Variants in KCNIP3 observed in about 807,000 individuals in gnomAD.
The protein encoded by KCNIP3 is potassium voltage-gated channel interacting protein 3, also known as calsenilin.
Under a neutral mutation model 35.0 loss-of-function variants are expected in KCNIP3, and 28 were observed. That is an observed-to-expected ratio of 0.80 (90% CI 0.59 to 1.10). The LOEUF is 1.10. Ranked by LOEUF, KCNIP3 falls within the 50% of genes least tolerant of loss-of-function variation. KCNIP3 has a pLI of 0.00. For synonymous variants in KCNIP3, 134 were observed against 133.8 expected, an observed-to-expected ratio of 1.00 and a Z score of -0.01; for missense variants, 295 against 338.4, an observed-to-expected ratio of 0.87 and a Z score of 1.01.
intron 2 of KCNIP3, among the ~76,000 whole-genome samples, chr2:95,324,523 G>GATAAATAAATAA (rs140027632): frequency 0.34 from 48,955 of 145,548 alleles, 8,634 homozygotes; most frequent in Middle Eastern, 0.39. Context: ...AAAATAAATA[G>GATAAATAAATAA]ATAAATAAAT....
At position 95,367,612 on chromosome 2, in the gene KCNIP3, T is replaced by C. The variant is rs376211939; in HGVS notation, c.182-6684T>C. Among the ~76,000 whole-genome samples the C allele has an allele frequency of 3.3e-5, 5 of 152,342 alleles. No homozygotes were observed. The East Asian group carries it at 9.6e-4, about 29-fold the overall frequency. Reference sequence around the variant, plus strand: ...ATGTTTTGCAAGATATATACCTAAGTATTTCATTTGTGAGATGAGCAATTG... The same window carrying C: ...ATGTTTTGCAAGATATATACCTAAGCATTTCATTTGTGAGATGAGCAATTG... On this transcript the variant is annotated intron_variant, in intron 2 of 8. Transcript: ENST00000295225.
chr2:95,332,734 C>T (rs1353853635), intron 2 of KCNIP3, among the ~76,000 whole-genome samples: 1 of 152,200 alleles, frequency 6.6e-6, no homozygotes, highest in Non-Finnish European at 1.5e-5. Flanking sequence ...TTCTCAGAAC[C>T]TTTACTATAC....
At chr2:95,371,693 C>G (rs1248276267) in intron 2 of KCNIP3, among the ~76,000 whole-genome samples, 1 of 151,934 alleles carries the variant, frequency 6.6e-6, no homozygotes, top group Non-Finnish European at 1.5e-5. Context: ...TTTTAAAGCT[C>G]TGTTACTAGG....
chr2:95,363,537 GT>G (rs1408527610), intron 2 of KCNIP3, among the ~76,000 whole-genome samples: 1 of 151,592 alleles, frequency 6.6e-6, no homozygotes, highest in African/African-American at 2.4e-5. Context: ...CTCCTCCCTT[GT>G]TATTTTTCTT....
At chr2:95,340,240 G>A (rs755792922) in intron 2 of KCNIP3, among the ~76,000 whole-genome samples, 4 of 152,208 alleles carry the variant, frequency 2.6e-5, no homozygotes, top group Non-Finnish European at 4.4e-5. Context: ...AGGAGGTGCG[G>A]CAGGAGAATC....
intron 2 of KCNIP3, chr2:95,368,717 T>C (rs1679975664): frequency 4.0e-6 from 1 of 250,112 alleles, no homozygotes; most frequent in Non-Finnish European, 8.8e-6. Flanking sequence ...GAATATGCTT[T>C]GAGTCCTGCT....
intron 2 of KCNIP3, among the ~76,000 whole-genome samples, chr2:95,317,322 G>A (rs1335379308): frequency 6.6e-6 from 1 of 152,204 alleles, no homozygotes; most frequent in Non-Finnish European, 1.5e-5. Flanking sequence ...GAGCTCAGGA[G>A]TGACGCCCAC....
intron 2 of KCNIP3, among the ~76,000 whole-genome samples, chr2:95,359,433 C>T (rs979831727): frequency 5.9e-5 from 9 of 152,308 alleles, no homozygotes; most frequent in African/African-American, 1.4e-4. Flanking sequence ...TCTTGAGACT[C>T]GGGAATAATG....
At chr2:95,330,157 C>A (rs1180865542) in intron 2 of KCNIP3, among the ~76,000 whole-genome samples, 1 of 152,200 alleles carries the variant, frequency 6.6e-6, no homozygotes, top group Non-Finnish European at 1.5e-5. Flanking sequence ...GGTCTGGCCG[C>A]GGCTCCCCAG....
chr2:95,378,226 G>A lies in KCNIP3; in HGVS notation c.447+3018G>A, dbSNP rs1318815643. On this transcript the variant is annotated intron_variant, in intron 5 of 8. Transcript: ENST00000295225. This position sits in a 1 kb window ranked among gnomAD's most constrained non-coding sequence, Gnocchi z 4.0. ...CAGCCTCGACCTCCTGGCCTCAAGT[G>A]ATCCTCCTACCCCAGCCTCCCGAGT... Among the ~76,000 whole-genome samples, 1 of 152,052 alleles carries A rather than the reference G, an allele frequency of 6.6e-6. No individual in the cohort carries two copies. Among genetic ancestry groups the A allele is most frequent in the Non-Finnish European group, 1.5e-5 (1 of 68,018 alleles).
intron 2 of KCNIP3, among the ~76,000 whole-genome samples, chr2:95,358,038 G>C (rs932445792): frequency 6.6e-6 from 1 of 152,240 alleles, no homozygotes; most frequent in Non-Finnish European, 1.5e-5. Context: ...GTTCAGGAGG[G>C]ATGGGAGCCG....
rs561238751 is a variant in KCNIP3, at chr2:95,299,329, TGG to T, written c.15+1878_15+1879del. On this transcript the variant is annotated intron_variant, in intron 1 of 8. Coordinates refer to ENST00000295225, the MANE Select transcript of KCNIP3 (RefSeq NM_013434.5). ...CCATTAGGTTTCTCATCAAGATCAA[TGG>T]GAGATTGTGAAAAATAACCTTCCTC... Among the ~76,000 whole-genome samples the T allele has an allele frequency of 2.1e-3, 322 of 152,234 alleles. 1 individual carries two copies. Among genetic ancestry groups the T allele is most frequent in the African/African-American group, 7.4e-3 (306 of 41,546 alleles).
chr2:95,310,569 T>C (rs773822815), intron 2 of KCNIP3, 49 bp downstream of exon 2: 1 of 1,602,950 alleles, frequency 6.2e-7, no homozygotes, highest in Non-Finnish European at 8.5e-7. Flanking sequence ...GGGAGATCTG[T>C]TCTGAGCACT....
At chr2:95,354,950 T>C (rs1383951948) in intron 2 of KCNIP3, 1 of 152,354 alleles carries the variant, frequency 6.6e-6, no homozygotes, top group African/African-American at 2.4e-5. Flanking sequence ...AGATCTGGGA[T>C]GCTGATGACA....
chr2:95,310,293 A>T, intron 1 of KCNIP3, 62 bp from the exon 2 acceptor site: 1 of 1,601,290 alleles, frequency 6.2e-7, no homozygotes, highest in Non-Finnish European at 8.6e-7. Flanking sequence ...GCAGCTCGGG[A>T]CCATCCAGGG....
intron 2 of KCNIP3, among the ~76,000 whole-genome samples, chr2:95,338,140 G>A (rs1396260564): frequency 6.6e-6 from 1 of 152,138 alleles, no homozygotes; most frequent in Non-Finnish European, 1.5e-5. Flanking sequence ...GGGAGGCAGG[G>A]GCTGTGGGGC....
intron 1 of KCNIP3, among the ~76,000 whole-genome samples, chr2:95,301,509 G>A (rs1403424889): frequency 6.6e-6 from 1 of 152,228 alleles, no homozygotes; most frequent in East Asian, 1.9e-4. Context: ...GCTCATCTGT[G>A]CCACTGTGTC....
intron 8 of KCNIP3, 31 bp from the exon 9 acceptor site, chr2:95,383,971 C>T (rs781333024): frequency 4.3e-6 from 7 of 1,611,312 alleles, no homozygotes; most frequent in Non-Finnish European, 5.9e-6. Context: ...CCACCCAGCA[C>T]CTGAAGGCCT....
intron 2 of KCNIP3, among the ~76,000 whole-genome samples, chr2:95,373,875 C>A (rs1238072560): frequency 6.6e-6 from 1 of 152,238 alleles, no homozygotes; most frequent in Non-Finnish European, 1.5e-5. Context: ...CCTCTCCATT[C>A]CTGGGGAAAG....
Sources: gnomAD v4.1 joint callset for allele counts (sites outside exome capture counted in the v4.1 genomes callset) on GRCh38, gnomAD v4.1.1 for gene constraint, Gnocchi (gnomAD v3.1) non-coding constraint, MANE v1.5 for transcripts, NCBI Gene and HGNC (gene_info 2026-07-23, HGNC 2026-07-21) for gene names.